The following PTCD2 variants were observed in gnomAD, a reference collection of about 807,000 sequenced individuals.
PTCD2 encodes pentatricopeptide repeat-containing protein 2, mitochondrial.
In PTCD2, 31 loss-of-function variants were observed where a neutral mutation model predicts 42.6. The observed-to-expected ratio is 0.73, with a 90% CI of 0.55 to 0.98. PTCD2 has a LOEUF of 0.98. Ranked by LOEUF, PTCD2 falls within the 50% of genes least tolerant of loss-of-function variation. The pLI, the probability that PTCD2 is intolerant of heterozygous loss-of-function variation, is 0.00. For synonymous variants in PTCD2, 183 were observed against 170.9 expected, an observed-to-expected ratio of 1.07 and a Z score of -0.55; for missense variants, 476 against 454.8, an observed-to-expected ratio of 1.05 and a Z score of -0.42.
Position 72,322,329 on chromosome 5 carries a change from C to A in PTCD2, c.220+65C>A, listed in dbSNP as rs896351282. The A allele has an allele frequency of 3.1e-6, 3 of 974,044 alleles. No individual in the cohort carries two copies. In the African/African-American group the frequency reaches 4.9e-5, roughly 16 times the overall value. 60.3% of individuals were successfully genotyped at this position (974,044 alleles called of 1,614,324 possible). On this transcript the variant is annotated intron_variant, in intron 2 of 9. Coordinates refer to ENST00000380639, the MANE Select transcript of PTCD2 (RefSeq NM_024754.5). The stretch of plus-strand genomic sequence containing the variant: ...CATTTAAGTTTCTCTGTCTTTATCC[C>A]TATTCAGTGTCTCCTTCAGTGACTT...
At chr5:72,340,841 G>A (rs62364783) in intron 7 of PTCD2, among the ~76,000 whole-genome samples, 34,958 of 151,306 alleles carry the variant, frequency 0.23, 5,256 homozygotes, top group Non-Finnish European at 0.34. Context: ...GAAATCTAAC[G>A]CCTGCCTGAT....
At position 72,363,565 on chromosome 5, in the gene PTCD2, T is replaced by A. The variant is rs1386639051; in HGVS notation, c.*5138T>A. The A allele has an allele frequency of 6.6e-6, 1 of 152,354 alleles. No individual in the cohort carries two copies. The highest frequency in any genetic ancestry group is 6.5e-5 in the Admixed American group (1 of 15,280). 9.4% of individuals were successfully genotyped at this position (152,354 alleles called of 1,614,324 possible). ...AAGTCTGGCCTTGTCTCTGGACTCC[T>A]GAGTAAATAATGTGCTGATGCAGTG... On this transcript the variant is annotated 3_prime_UTR_variant, in exon 10 of 10. Coordinates refer to ENST00000380639, the MANE Select transcript of PTCD2 (RefSeq NM_024754.5).
rs757947348 is a variant in PTCD2 at position 72,352,699 on chromosome 5, C to T, written c.887C>T (p.Ala296Val). Residue 296 changes from alanine to valine, a missense_variant, in exon 9 of 10, where the codon GCT (alanine) becomes GTT (valine). Ala to Val is a moderately conservative substitution (Grantham distance 64, BLOSUM62 0). Transcript: ENST00000380639. ...AACCTGATAAAGACTCTAAAAAATG[C>T]TGCAGAAGGAAATTTATCAAAATTT... ...LENLIKTLKN[A>V]AEGNLSKFVK... is the part of the protein sequence containing the mutation. 7 of 1,605,028 alleles carry T rather than the reference C, an allele frequency of 4.4e-6. No individual in the cohort carries two copies. The highest frequency in any genetic ancestry group is 5.1e-6 in the Non-Finnish European group (6 of 1,172,456).
intron 6 of PTCD2, among the ~76,000 whole-genome samples, chr5:72,336,975 A>T (rs1378054757): frequency 3.3e-5 from 5 of 152,170 alleles, no homozygotes; most frequent in Admixed American, 3.3e-4. Flanking sequence ...TAGCAATACC[A>T]GTTTTCCAAA....
chr5:72,326,797 C>A, intron 3 of PTCD2, 56 bp downstream of exon 3: 1 of 1,571,578 alleles, frequency 6.4e-7, no homozygotes, highest in South Asian at 1.2e-5. Context: ...CTGTTCCTTT[C>A]TATGAGCAGT....
rs1751428689 is a variant in PTCD2 at position 72,331,312 on chromosome 5, T to G, written c.405T>G (p.Leu135=). 1 of 1,613,926 alleles carries G rather than the reference T, an allele frequency of 6.2e-7. No homozygotes were observed. The change falls in exon 4 of 10, where the codon CTT becomes CTG. Residue 135 remains leucine (L), a synonymous_variant. Transcript: ENST00000380639. ...TGGGGGAGTATAAATTTGGACCGCT[T>G]TTTGTGAGGTTGTGTTACGAGTTGG... is the stretch of plus-strand genomic sequence containing the variant. The part of the protein sequence containing the change: ...FTLGEYKFGP[L]FVRLCYELDL...
chr5:72,356,874 T>C (rs1228139513), intron 9 of PTCD2, among the ~76,000 whole-genome samples: 1 of 152,164 alleles, frequency 6.6e-6, no homozygotes, highest in African/African-American at 2.4e-5. Flanking sequence ...AACAGTGTTA[T>C]ATATTTGGAA....
rs1383261998 is a variant in PTCD2 at position 72,320,477 on chromosome 5, C to G, written c.95C>G (p.Ser32Cys). 6.2e-7 allele frequency: 1 copy of G among 1,613,924 alleles called. No individual in the cohort carries two copies. The highest frequency in any genetic ancestry group is 8.5e-7 in the Non-Finnish European group (1 of 1,180,018). The change falls in exon 1 of 10, where the codon TCC becomes TGC. Residue 32 changes from serine to cysteine, a missense_variant. Physicochemically the swap from Ser to Cys is moderately radical, Grantham distance 112. Transcript: ENST00000380639. ...TTGGTGTATCCTGGGGTGGGAGGCT[C>G]CGGCTCTGTCAGCTGCCGCTGCCCT... Reference protein sequence around the residue: ...QILVYPGVGGSGSVSCRCPLG... With the variant: ...QILVYPGVGGCGSVSCRCPLG...
In PTCD2 at chr5:72,320,430, T is replaced by C; in HGVS notation, c.48T>C (p.Val16=). Residue 16 remains valine, a synonymous_variant, in exon 1 of 10, where the codon GTT becomes GTC. Coordinates refer to ENST00000380639, the MANE Select transcript of PTCD2 (RefSeq NM_024754.5). The stretch of plus-strand genomic sequence containing the variant: ...CTGCATTTCGGCCCTCGAATCGAGT[T>C]CTCCTGCAGGCGCTGCAGATTTTGG... ...MAAAFRPSNR[V]LLQALQILVY... 7.4e-6 allele frequency: 12 copies of C among 1,614,090 alleles called. No individual in the cohort carries two copies. Among genetic ancestry groups the C allele is most frequent in the Non-Finnish European group, 1.0e-5 (12 of 1,180,026 alleles).
chr5:72,362,201 A>G lies in PTCD2; in HGVS notation c.*3774A>G, dbSNP rs1383826128. 6.6e-6 allele frequency: 1 copy of G among 152,202 alleles called. No individual in the cohort carries two copies. The highest frequency in any genetic ancestry group is 1.5e-5 in the Non-Finnish European group (1 of 68,060). The allele number at this position is 152,202 out of a possible 1,614,324, so 9.4% of individuals were successfully genotyped here. A position where few individuals can be genotyped will look rare whatever the true frequency, so the allele number is the denominator to read the frequency against. ...CCCCAAACTCATATGTTGAACTCCA[A>G]ATCCCCAAGGTGTTGGTATTAGATG... is the stretch of plus-strand genomic sequence containing the variant. On this transcript the variant is annotated 3_prime_UTR_variant, in exon 10 of 10. Coordinates refer to ENST00000380639, the MANE Select transcript of PTCD2 (RefSeq NM_024754.5).
intron 1 of PTCD2, chr5:72,320,719 G>T: frequency 1.6e-6 from 1 of 631,406 alleles, no homozygotes; most frequent in Non-Finnish European, 2.7e-6. Context: ...GACTGCTGGG[G>T]TATTGACCTT....
At chr5:72,324,656 G>A (rs565064662) in intron 2 of PTCD2, among the ~76,000 whole-genome samples, 1 of 152,264 alleles carries the variant, frequency 6.6e-6, no homozygotes, top group African/African-American at 2.4e-5. Context: ...TGTAATAGGT[G>A]TCGTAACAGG....
chr5:72,352,394 C>T (rs138585851), intron 8 of PTCD2, among the ~76,000 whole-genome samples: 1 of 152,166 alleles, frequency 6.6e-6, no homozygotes, highest in Non-Finnish European at 1.5e-5. Context: ...GATCTGCCCA[C>T]CTTGGCCTCC....
chr5:72,331,344 A>G lies in PTCD2; in HGVS notation c.437A>G (p.Glu146Gly), dbSNP rs761693567. 6.2e-7 allele frequency: 1 copy of G among 1,613,484 alleles called. No individual in the cohort carries two copies. The highest frequency in any genetic ancestry group is 1.7e-5 in the Admixed American group (1 of 60,032). Reference sequence around the variant, plus strand: ...AGGTTGTGTTACGAGTTGGATCTCGAGGAATCTGCAGTGGAGCTCATGAAA... The same window carrying G: ...AGGTTGTGTTACGAGTTGGATCTCGGGGAATCTGCAGTGGAGCTCATGAAA... ...FVRLCYELDL[E>G]ESAVELMKDQ... Residue 146 changes from glutamate to glycine, a missense_variant, in exon 4 of 10, where the codon GAG (glutamate) becomes GGG (glycine). Physicochemically the swap from Glu to Gly is moderately conservative, Grantham distance 98 (BLOSUM62 -2). Coordinates refer to ENST00000380639, the MANE Select transcript of PTCD2 (RefSeq NM_024754.5).
chr5:72,320,624 G>T, intron 1 of PTCD2, 115 bp downstream of exon 1: 2 of 1,466,998 alleles, frequency 1.4e-6, no homozygotes, highest in Non-Finnish European at 1.9e-6. Flanking sequence ...CACTGGCCTG[G>T]AGCGCACCCT....
intron 8 of PTCD2, among the ~76,000 whole-genome samples, chr5:72,352,302 C>T (rs947350779): frequency 5.3e-5 from 8 of 152,114 alleles, no homozygotes; most frequent in Admixed American, 2.0e-4. Context: ...TTCATGTCAC[C>T]ACTCTCGGCT....
At chr5:72,326,408 C>T (rs899609232) in intron 2 of PTCD2, among the ~76,000 whole-genome samples, 2 of 152,172 alleles carry the variant, frequency 1.3e-5, no homozygotes, top group Non-Finnish European at 2.9e-5. Flanking sequence ...GCCCTGTGCC[C>T]ATGTCCCTGC....
In PTCD2 at chr5:72,358,967, CTTCA is replaced by C. The variant is rs1753020474; in HGVS notation, c.*545_*548del. 6.5e-6 allele frequency: 1 copy of C among 153,458 alleles called. No homozygotes were observed. The highest frequency in any genetic ancestry group is 1.4e-5 in the Non-Finnish European group (1 of 68,970). 9.5% of individuals were successfully genotyped at this position (153,458 alleles called of 1,614,324 possible). A position where few individuals can be genotyped will look rare whatever the true frequency, so the allele number is the denominator to read the frequency against. On this transcript the variant is annotated 3_prime_UTR_variant, in exon 10 of 10. Transcript: ENST00000380639. ...GTGTCTTTGCATATAGATTTGAAAT[CTTCA>C]TTCAAGGTTTAGTAGGATCATATTT... is the stretch of plus-strand genomic sequence containing the variant.
In PTCD2 at chr5:72,358,522, G is replaced by C. The variant is rs956278249; in HGVS notation, c.*95G>C. 11 of 845,018 alleles carry C rather than the reference G, an allele frequency of 1.3e-5. No homozygotes were observed. Among genetic ancestry groups the C allele is most frequent in the Non-Finnish European group, 1.9e-5 (10 of 521,572 alleles). 52.3% of individuals were successfully genotyped at this position (845,018 alleles called of 1,614,324 possible). On this transcript the variant is annotated 3_prime_UTR_variant, in exon 10 of 10. Transcript: ENST00000380639. ...CAGGTATCGCACTTCAGCAGACAGT[G>C]TGCTGACACTTGGTCTTCTCCTGAA...
Sources: gnomAD v4.1 joint callset for allele counts (sites outside exome capture counted in the v4.1 genomes callset) on GRCh38, gnomAD v4.1.1 for gene constraint, MANE v1.5 for transcripts, NCBI Gene and HGNC (gene_info 2026-07-23, HGNC 2026-07-21) for gene names.